Variants in UNC5D observed in about 807,000 individuals in gnomAD.
UNC5D encodes the protein unc-5 netrin receptor D.
Under a neutral mutation model 105.4 loss-of-function variants are expected in UNC5D, and 39 were observed. That is an observed-to-expected ratio of 0.37 (90% CI 0.29 to 0.48). UNC5D has a LOEUF of 0.48. Ranked by LOEUF, UNC5D falls within the 20% of genes least tolerant of loss-of-function variation. The pLI, the probability that UNC5D is intolerant of heterozygous loss-of-function variation, is 0.98. For synonymous variants in UNC5D, 452 were observed against 450.4 expected, an observed-to-expected ratio of 1.00 and a Z score of -0.04; for missense variants, 991 against 1,202.4, an observed-to-expected ratio of 0.82 and a Z score of 2.60.
intron 1 of UNC5D, among the ~76,000 whole-genome samples, chr8:35,271,414 TACAC>T (rs201485182): frequency 8.6e-6 from 1 of 116,542 alleles, no homozygotes; most frequent in Non-Finnish European, 1.9e-5. Context: ...TGTATATGTA[TACAC>T]ACACATATGT....
At chr8:35,760,138 A>C (rs954778683) in intron 14 of UNC5D, among the ~76,000 whole-genome samples, 4 of 149,820 alleles carry the variant, frequency 2.7e-5, no homozygotes, top group African/African-American at 9.9e-5. Flanking sequence ...CCGCCTCCCG[A>C]GTTCAAGCGA....
chr8:35,722,163 A>G (rs2131535616), intron 8 of UNC5D, 47 bp from the exon 9 acceptor site: 1 of 1,592,242 alleles, frequency 6.3e-7, no homozygotes, highest in Non-Finnish European at 8.5e-7. Context: ...TGGTTCTTTG[A>G]CTTTGTGCCC....
chr8:35,580,156 A>G (rs948134392), intron 3 of UNC5D, among the ~76,000 whole-genome samples: 3 of 152,306 alleles, frequency 2.0e-5, no homozygotes. Context: ...AGTTTGAAGA[A>G]TGAGATACTG....
intron 1 of UNC5D, among the ~76,000 whole-genome samples, chr8:35,516,439 G>C (rs945194533): frequency 1.8e-4 from 27 of 152,116 alleles, no homozygotes; most frequent in Admixed American, 6.6e-5. Context: ...CTTGTCATTT[G>C]GTGGTGGTCC....
At chr8:35,642,317 G>A (rs1822795697) in intron 4 of UNC5D, among the ~76,000 whole-genome samples, 1 of 152,058 alleles carries the variant, frequency 6.6e-6, no homozygotes, top group Admixed American at 6.6e-5. Context: ...GGGATCAAGA[G>A]CTTTTTTCCT....
intron 1 of UNC5D, among the ~76,000 whole-genome samples, chr8:35,437,037 T>C (rs998355724): frequency 6.6e-6 from 1 of 151,850 alleles, no homozygotes; most frequent in African/African-American, 2.4e-5. Context: ...TGTCTCACCA[T>C]GTTTGTTGCC....
chr8:35,393,533 T>C (rs929996957), intron 1 of UNC5D, among the ~76,000 whole-genome samples: 2 of 152,218 alleles, frequency 1.3e-5, no homozygotes, highest in African/African-American at 4.8e-5. Context: ...TGAGTTTTTA[T>C]ATCTCACTGT....
At chr8:35,267,244 C>T (rs962230230) in intron 1 of UNC5D, among the ~76,000 whole-genome samples, 1 of 152,074 alleles carries the variant, frequency 6.6e-6, no homozygotes. Flanking sequence ...AAGAAACCAC[C>T]CTACATGAAG....
rs1186465515 is a variant in UNC5D, at chr8:35,380,090, G to GT, written c.103+144203_103+144204insT. 3.4e-4 allele frequency among the ~76,000 whole-genome samples: 37 copies of GT among 108,092 alleles called. 3 individuals are homozygous for GT. Among genetic ancestry groups the GT allele is most frequent in the Non-Finnish European group, 5.8e-4 (30 of 51,726 alleles). The allele number at this position is 108,092 out of a possible 152,430, so 70.9% of individuals were successfully genotyped here. On this transcript the variant is annotated intron_variant, in intron 1 of 16. Transcript: ENST00000404895. ...ACTCTTAACCTATAATTGGGGGTGG[G>GT]GGGGGGGTCGGGGAGAGAGAGAGAG...
At position 35,731,023 on chromosome 8, in the gene UNC5D, C is replaced by T; in HGVS notation, c.1693C>T (p.Leu565Phe). Residue 565 changes from leucine (L) to phenylalanine (F), a missense_variant, in exon 11 of 17, where the codon CTC becomes TTC. Transcript: ENST00000404895. ...LVMPNTGVSL[L>F]IPHGAIPEEN... Reference sequence around the variant, plus strand: ...TTTTTCTGTTTTAGGGGTGAGCTTACTCATACCACACGGTGCCATCCCAGA... The same window carrying T: ...TTTTTCTGTTTTAGGGGTGAGCTTATTCATACCACACGGTGCCATCCCAGA... 6.2e-7 allele frequency: 1 copy of T among 1,613,818 alleles called. No homozygotes were observed. Among genetic ancestry groups the T allele is most frequent in the Non-Finnish European group, 8.5e-7 (1 of 1,179,834 alleles).
chr8:35,512,381 G>T (rs1812768748), intron 1 of UNC5D, among the ~76,000 whole-genome samples: 1 of 144,298 alleles, frequency 6.9e-6, no homozygotes, highest in Non-Finnish European at 1.5e-5. Context: ...AATTAGCCAG[G>T]CACGTGCTTA....
At chr8:35,725,921 G>C (rs1828835174) in intron 9 of UNC5D, among the ~76,000 whole-genome samples, 1 of 152,188 alleles carries the variant, frequency 6.6e-6, no homozygotes, top group Non-Finnish European at 1.5e-5. Context: ...TCTCTGGAAA[G>C]TGAAAGATTT....
chr8:35,426,821 A>C (rs1806281318), intron 1 of UNC5D, among the ~76,000 whole-genome samples: 1 of 152,294 alleles, frequency 6.6e-6, no homozygotes, highest in Non-Finnish European at 1.5e-5. Context: ...TCAGCTTTGC[A>C]GAGCTAACGG....
chr8:35,599,062 G>C (rs1033586455), intron 4 of UNC5D, among the ~76,000 whole-genome samples: 5 of 142,488 alleles, frequency 3.5e-5, no homozygotes, highest in Admixed American at 7.4e-5. Context: ...AGAATTGTTT[G>C]AACCCGGGAG....
chr8:35,737,785 A>G (rs1162382739), intron 11 of UNC5D, among the ~76,000 whole-genome samples: 4 of 152,180 alleles, frequency 2.6e-5, no homozygotes, highest in Non-Finnish European at 5.9e-5. Context: ...AAAATAATGC[A>G]GACCTCAGTG....
chr8:35,665,005 T>C (rs1018007998), intron 4 of UNC5D, among the ~76,000 whole-genome samples: 1 of 152,070 alleles, frequency 6.6e-6, no homozygotes, highest in African/African-American at 2.4e-5. Context: ...AGCTAATTTT[T>C]TAAGTTTTTA....
chr8:35,402,081 T>C (rs1804504948), intron 1 of UNC5D, among the ~76,000 whole-genome samples: 1 of 152,190 alleles, frequency 6.6e-6, no homozygotes, highest in Non-Finnish European at 1.5e-5. Flanking sequence ...CCTGCACTTC[T>C]CAGTGTTAAC....
At chr8:35,436,815 G>A (rs754523474) in intron 1 of UNC5D, among the ~76,000 whole-genome samples, 2 of 151,976 alleles carry the variant, frequency 1.3e-5, no homozygotes, top group Non-Finnish European at 2.9e-5. Context: ...CAAAACAAAT[G>A]ACAGACATAC....
At chr8:35,498,069 C>T (rs1232026464) in intron 1 of UNC5D, among the ~76,000 whole-genome samples, 41 of 13,440 alleles carry the variant, frequency 3.1e-3, no homozygotes, top group Admixed American at 0.02. Flanking sequence ...AACTCCATCT[C>T]AAAACAAAAC....
Sources: allele counts gnomAD v4.1 joint callset (sites outside exome capture counted in the v4.1 genomes callset), GRCh38; gene constraint gnomAD v4.1.1; transcripts MANE v1.5; gene names NCBI Gene and HGNC (gene_info 2026-07-23, HGNC 2026-07-21).